SLC7A14: variants seen among roughly 807,000 people sequenced by gnomAD.
SLC7A14 encodes solute carrier family 7 member 14.
A neutral mutation model predicts 60.2 loss-of-function variants in SLC7A14; 37 were observed. The observed-to-expected ratio is 0.61, with a 90% CI of 0.47 to 0.81. The LOEUF (loss-of-function observed/expected upper bound fraction) is 0.81, where lower values mean the gene tolerates loss of function less well. Ranked by LOEUF, SLC7A14 falls within the 30% of genes least tolerant of loss-of-function variation. The probability of loss-of-function intolerance (pLI) is 0.00; values close to 1 mark genes in which losing one functional copy is unlikely to be tolerated. For synonymous variants in SLC7A14, 399 were observed against 395.8 expected, an observed-to-expected ratio of 1.01 and a Z score of -0.10; for missense variants, 886 against 982.7, an observed-to-expected ratio of 0.90 and a Z score of 1.32.
At chr3:170,534,770 G>A (rs1713788052) in intron 1 of SLC7A14, among the ~76,000 whole-genome samples, 1 of 152,082 alleles carries the variant, frequency 6.6e-6, no homozygotes, top group Non-Finnish European at 1.5e-5. Context: ...TTGTTTGCTT[G>A]AAATAATTCT....
intron 1 of SLC7A14, among the ~76,000 whole-genome samples, chr3:170,572,262 G>T (rs1022734647): frequency 2.6e-5 from 4 of 152,102 alleles, no homozygotes; most frequent in African/African-American, 9.7e-5. Flanking sequence ...AATTGCAGAT[G>T]GACTGTATAG....
intron 3 of SLC7A14, among the ~76,000 whole-genome samples, chr3:170,499,540 GT>G (rs1712537806): frequency 1.3e-5 from 2 of 152,084 alleles, no homozygotes; most frequent in South Asian, 4.1e-4. Context: ...TTTGAAAATT[GT>G]TTTTAGCTTC....
At chr3:170,493,846 T>A (rs1266814134) in intron 4 of SLC7A14, among the ~76,000 whole-genome samples, 1 of 152,194 alleles carries the variant, frequency 6.6e-6, no homozygotes, top group Non-Finnish European at 1.5e-5. Context: ...AGAGGATGAA[T>A]CAGCAACATC....
rs775071692 is a variant in SLC7A14, at chr3:170,526,676, G to A, written c.261C>T (p.Val87=). 5 of 1,614,086 alleles carry A rather than the reference G, an allele frequency of 3.1e-6. No homozygotes were observed. The change falls in exon 2 of 8, where the codon GTC becomes GTT. Residue 87 remains valine, a synonymous_variant. Transcript: ENST00000231706. ...CGGCTGCAATGATGAAGGACACAAT[G>A]ACACCAGGTCCTGCCATTTCCTTGG... The part of the protein sequence containing the change: ...LVAKEMAGPG[V]IVSFIIAAVA...
In SLC7A14 at chr3:170,475,126, A is replaced by G. The variant is rs577417728; in HGVS notation, c.1993+5163T>C. Among the ~76,000 whole-genome samples the G allele has an allele frequency of 2.0e-5, 3 of 152,346 alleles. No homozygotes were observed. The South Asian group carries it at 6.2e-4, about 32-fold the overall frequency. On this transcript the variant is annotated intron_variant, in intron 7 of 7. Coordinates refer to ENST00000231706, the MANE Select transcript of SLC7A14 (RefSeq NM_020949.3). ...GGATTAATACACATTTGGTGTTTGT[A>G]TTCCTTTTCTTGTCTGAAGGAAAAG...
intron 1 of SLC7A14, among the ~76,000 whole-genome samples, chr3:170,569,371 A>G (rs1714880058): frequency 6.6e-6 from 1 of 152,202 alleles, no homozygotes; most frequent in African/African-American, 2.4e-5. Context: ...CCACATGATC[A>G]TGGTGGATAA....
chr3:170,533,155 C>T (rs1349473603), intron 1 of SLC7A14, among the ~76,000 whole-genome samples: 2 of 152,198 alleles, frequency 1.3e-5, no homozygotes. Flanking sequence ...GGATCCTCTC[C>T]TGAAGTCCTT....
intron 2 of SLC7A14, among the ~76,000 whole-genome samples, chr3:170,506,570 A>G (rs578242606): frequency 6.6e-6 from 1 of 152,334 alleles, no homozygotes; most frequent in African/African-American, 2.4e-5. Context: ...TTTCTTTTCA[A>G]GTTACAGTCT....
In SLC7A14 at chr3:170,464,901, C is replaced by G. The variant is rs570677682; in HGVS notation, c.*2154G>C. On this transcript the variant is annotated 3_prime_UTR_variant, in exon 8 of 8. Coordinates refer to ENST00000231706, the MANE Select transcript of SLC7A14 (RefSeq NM_020949.3). ...ATGAATACAACCCCTCCTCATCTAT[C>G]TAGATATGTATCAAGCTTAACAGAT... is the stretch of plus-strand genomic sequence containing the variant. 6.6e-6 allele frequency: 1 copy of G among 152,346 alleles called. No individual in the cohort carries two copies. Among genetic ancestry groups the G allele is most frequent in the East Asian group, 1.9e-4 (1 of 5,192 alleles). The allele number at this position is 152,346 out of a possible 1,614,324, so 9.4% of individuals were successfully genotyped here. A position where few individuals can be genotyped will look rare whatever the true frequency, so the allele number is the denominator to read the frequency against.
At chr3:170,472,485 G>C (rs1468402847) in intron 7 of SLC7A14, among the ~76,000 whole-genome samples, 1 of 152,098 alleles carries the variant, frequency 6.6e-6, no homozygotes. Context: ...CTGTTTAAAG[G>C]CCGGGCACGG....
intron 1 of SLC7A14, among the ~76,000 whole-genome samples, chr3:170,572,760 C>T (rs1226494534): frequency 6.6e-6 from 1 of 152,178 alleles, no homozygotes; most frequent in Non-Finnish European, 1.5e-5. Flanking sequence ...TCTGGCACGA[C>T]AGTCTCTACT....
chr3:170,526,615 C>G lies in SLC7A14; in HGVS notation c.304+18G>C, dbSNP rs374614548. On this transcript the variant is annotated intron_variant, in intron 2 of 7. Coordinates refer to ENST00000231706, the MANE Select transcript of SLC7A14 (RefSeq NM_020949.3). ...TAAGCACACTTTCCACAGTACTTCC[C>G]TGCATGGAGACACTTACCTGATAAT... 6 of 1,611,014 alleles carry G rather than the reference C, an allele frequency of 3.7e-6. No homozygotes were observed. Among genetic ancestry groups the G allele is most frequent in the Non-Finnish European group, 5.1e-6 (6 of 1,178,764 alleles).
At position 170,483,542 on chromosome 3, in the gene SLC7A14, C is replaced by G. The variant is rs369705092; in HGVS notation, c.907-20G>C. On this transcript the variant is annotated intron_variant, in intron 5 of 7. Transcript: ENST00000231706. Reference sequence around the variant, plus strand: ...GCTCACCTGTTAAAACAAGAGAAGACAGGGCTGGAGGTACAGGGGAAGAAC... The same window carrying G: ...GCTCACCTGTTAAAACAAGAGAAGAGAGGGCTGGAGGTACAGGGGAAGAAC... 4.3e-6 allele frequency: 7 copies of G among 1,613,912 alleles called. No homozygotes were observed. Among genetic ancestry groups the G allele is most frequent in the Admixed American group, 1.7e-5 (1 of 60,020 alleles).
At chr3:170,516,018 A>G (rs1232466971) in intron 2 of SLC7A14, among the ~76,000 whole-genome samples, 1 of 152,202 alleles carries the variant, frequency 6.6e-6, no homozygotes, top group Non-Finnish European at 1.5e-5. Context: ...CTAGGTGCTC[A>G]TGGCATGCAC....
chr3:170,560,004 T>C (rs1714600202), intron 1 of SLC7A14, among the ~76,000 whole-genome samples: 1 of 152,356 alleles, frequency 6.6e-6, no homozygotes, highest in African/African-American at 2.4e-5. Flanking sequence ...GTAAATTTTG[T>C]CTTATCAATA....
At chr3:170,537,781 G>A (rs962434732) in intron 1 of SLC7A14, among the ~76,000 whole-genome samples, 7 of 151,962 alleles carry the variant, frequency 4.6e-5, no homozygotes, top group African/African-American at 1.7e-4. Flanking sequence ...CCAAGTGATG[G>A]CAGGTGTCCT....
intron 7 of SLC7A14, among the ~76,000 whole-genome samples, chr3:170,478,621 T>C (rs574377289): frequency 1.3e-3 from 205 of 152,340 alleles, no homozygotes; most frequent in African/African-American, 4.3e-3. Context: ...TCTTAACTTA[T>C]AGGGCCACTT....
rs11336080 is a variant in SLC7A14 at position 170,499,236 on chromosome 3, C to CA, written c.542-353dup. 9.2e-3 allele frequency among the ~76,000 whole-genome samples: 552 copies of CA among 59,876 alleles called. 38 individuals are homozygous for CA. The highest frequency in any genetic ancestry group is 0.015 in the African/African-American group (148 of 9,654). The allele number at this position is 59,876 out of a possible 152,430, so 39.3% of individuals were successfully genotyped here. ...TGGGGGACAGAGTGAGACTCTGTCT[C>CA]AAAAAAAAAAAAAAAAAAAAAAAAA... On this transcript the variant is annotated intron_variant, in intron 3 of 7. Transcript: ENST00000231706.
At chr3:170,583,173 G>A (rs1306100818) in intron 1 of SLC7A14, among the ~76,000 whole-genome samples, 1 of 152,140 alleles carries the variant, frequency 6.6e-6, no homozygotes, top group African/African-American at 2.4e-5. Context: ...TTGGGGAATA[G>A]GTCATAGAAG....
Sources: gnomAD v4.1 joint callset for allele counts (sites outside exome capture counted in the v4.1 genomes callset) on GRCh38, gnomAD v4.1.1 for gene constraint, MANE v1.5 for transcripts, NCBI Gene and HGNC (gene_info 2026-07-23, HGNC 2026-07-21) for gene names.